The following PLS1 variants were observed in gnomAD, a reference collection of about 807,000 sequenced individuals.
PLS1 encodes the protein plastin 1.
Under a neutral mutation model 73.7 loss-of-function variants are expected in PLS1, and 32 were observed. That is an observed-to-expected ratio of 0.43 (90% CI 0.33 to 0.58). PLS1 has a LOEUF of 0.58. PLS1 is among the 20% of genes least tolerant of loss of function. The pLI, the probability that PLS1 is intolerant of heterozygous loss-of-function variation, is 0.04. For synonymous variants in PLS1, 217 were observed against 261.3 expected, an observed-to-expected ratio of 0.83 and a Z score of 1.63; for missense variants, 633 against 740.5, an observed-to-expected ratio of 0.85 and a Z score of 1.68.
At chr3:142,666,429 A>G (rs1169893104) in intron 2 of PLS1, among the ~76,000 whole-genome samples, 3 of 152,234 alleles carry the variant, frequency 2.0e-5, no homozygotes, top group African/African-American at 7.2e-5. Flanking sequence ...TTCACTTAGC[A>G]CAATGTCCTC....
intron 12 of PLS1, among the ~76,000 whole-genome samples, chr3:142,699,962 T>C (rs2038292705): frequency 6.6e-6 from 1 of 152,200 alleles, no homozygotes; most frequent in African/African-American, 2.4e-5. Flanking sequence ...GAAAATTTAT[T>C]GACTAATTTC....
intron 14 of PLS1, among the ~76,000 whole-genome samples, chr3:142,708,959 G>A (rs1450420017): frequency 1.3e-5 from 2 of 152,056 alleles, no homozygotes; most frequent in African/African-American, 4.8e-5. Context: ...AAATGGGTGG[G>A]AAAAATACTT....
intron 1 of PLS1, among the ~76,000 whole-genome samples, chr3:142,657,635 G>A (rs1386626703): frequency 2.6e-5 from 4 of 152,082 alleles, no homozygotes; most frequent in Non-Finnish European, 4.4e-5. Flanking sequence ...GACTATAGGC[G>A]TGTGCCACCA....
At chr3:142,614,361 A>C (rs552788118) in intron 1 of PLS1, among the ~76,000 whole-genome samples, 1 of 152,224 alleles carries the variant, frequency 6.6e-6, no homozygotes, top group South Asian at 2.1e-4. Flanking sequence ...TCATTCAGGT[A>C]TGCTCTGTGG....
rs768836781 is a variant in PLS1, at chr3:142,664,254, CT to C, written c.18del (p.Thr7ProfsTer17). On this transcript the variant is annotated frameshift_variant, in exon 2 of 16. Transcript: ENST00000457734. LOFTEE classifies it high-confidence loss of function. Reference protein sequence around the residue: MENSTTTISREELEEL... With the variant: MENSTXTISREELEEL... ...TGTCCAAAGATGGAAAACAGTACTA[CT>C]ACCATTTCTCGGGAGGAGCTTGAAG... The C allele has an allele frequency of 1.9e-6, 3 of 1,588,062 alleles. No homozygotes were observed. The highest frequency in any genetic ancestry group is 2.6e-6 in the Non-Finnish European group (3 of 1,159,586).
chr3:142,675,714 G>A (rs1393544628), intron 4 of PLS1, among the ~76,000 whole-genome samples: 1 of 150,798 alleles, frequency 6.6e-6, no homozygotes, highest in Non-Finnish European at 1.5e-5. Flanking sequence ...CTCTCTTTGT[G>A]GCTTAGGCTA....
intron 9 of PLS1, among the ~76,000 whole-genome samples, chr3:142,686,814 G>A (rs928311006): frequency 1.3e-5 from 2 of 152,186 alleles, no homozygotes; most frequent in African/African-American, 2.4e-5. Flanking sequence ...AGGGAACTGC[G>A]TAATTGTGAC....
At position 142,676,214 on chromosome 3, in the gene PLS1, A is replaced by C. The variant is rs375971918; in HGVS notation, c.422A>C (p.Asp141Ala). 1 of 1,613,148 alleles carries C rather than the reference A, an allele frequency of 6.2e-7. No individual in the cohort carries two copies. Among genetic ancestry groups the C allele is most frequent in the Non-Finnish European group, 8.5e-7 (1 of 1,179,118 alleles). Residue 141 changes from aspartate to alanine, a missense_variant, in exon 5 of 16, where the codon GAC (aspartate) becomes GCC (alanine). Coordinates refer to ENST00000457734, the MANE Select transcript of PLS1 (RefSeq NM_001145319.2). Reference sequence around the variant, plus strand: ...AACAAAGCCCTGGAGAATGACCCTGACTGTAAGCATCTTATACCCATGAAT... The same window carrying C: ...AACAAAGCCCTGGAGAATGACCCTGCCTGTAAGCATCTTATACCCATGAAT... ...WINKALENDPDCKHLIPMNPN... is the reference protein window; with the variant it reads ...WINKALENDPACKHLIPMNPN...
chr3:142,693,396 G>A (rs572723246), intron 10 of PLS1, among the ~76,000 whole-genome samples: 5 of 152,272 alleles, frequency 3.3e-5, no homozygotes, highest in Admixed American at 1.3e-4. Flanking sequence ...CCCCTGGAAC[G>A]CAGATGATTA....
At chr3:142,694,625 G>A in intron 11 of PLS1, 78 bp downstream of exon 11, 1 of 771,884 alleles carries the variant, frequency 1.3e-6, no homozygotes, top group Admixed American at 2.4e-5. Context: ...TGTTTAAATG[G>A]AACATTTTCT....
chr3:142,707,094 G>T (rs1248698686), intron 14 of PLS1, among the ~76,000 whole-genome samples: 2 of 152,176 alleles, frequency 1.3e-5, no homozygotes, highest in African/African-American at 4.8e-5. Flanking sequence ...GCTCTACTTA[G>T]AACTGAGGTG....
chr3:142,671,770 G>C (rs1481376512), intron 4 of PLS1, among the ~76,000 whole-genome samples: 1 of 152,124 alleles, frequency 6.6e-6, no homozygotes, highest in Non-Finnish European at 1.5e-5. Flanking sequence ...AACATAACTA[G>C]AACTATGCTT....
chr3:142,693,644 G>T (rs1296091663), intron 10 of PLS1, among the ~76,000 whole-genome samples: 1 of 152,298 alleles, frequency 6.6e-6, no homozygotes, highest in East Asian at 1.9e-4. Context: ...GGCAGACAGT[G>T]GCAGAGCCAG....
intron 1 of PLS1, among the ~76,000 whole-genome samples, chr3:142,660,617 A>G (rs1480441845): frequency 6.6e-6 from 1 of 152,212 alleles, no homozygotes; most frequent in Non-Finnish European, 1.5e-5. Flanking sequence ...TAACTTCCAC[A>G]CCATTGTGAA....
At chr3:142,604,935 CA>C (rs35003218) in intron 1 of PLS1, among the ~76,000 whole-genome samples, 3,880 of 124,362 alleles carry the variant, frequency 0.031, 145 homozygotes, top group African/African-American at 0.1. Context: ...GACTCCGTCT[CA>C]AAAAAAAAAA....
intron 2 of PLS1, among the ~76,000 whole-genome samples, chr3:142,665,897 A>C (rs1291387787): frequency 6.6e-6 from 1 of 152,124 alleles, no homozygotes; most frequent in African/African-American, 2.4e-5. Context: ...CCCAACCCAG[A>C]AGCAGGTCCT....
chr3:142,642,618 ATAT>A (rs777575008), intron 1 of PLS1, among the ~76,000 whole-genome samples: 9 of 152,248 alleles, frequency 5.9e-5, no homozygotes, highest in Non-Finnish European at 1.2e-4. Flanking sequence ...TTCCCAGAAC[ATAT>A]TATCCGATTA....
At chr3:142,694,608 G>C (rs1483049195) in intron 11 of PLS1, 61 bp downstream of exon 11, 4 of 944,346 alleles carry the variant, frequency 4.2e-6, no homozygotes, top group Non-Finnish European at 6.6e-6. Context: ...GTTTCAAACT[G>C]TAGGCATGTT....
Position 142,703,907 on chromosome 3 carries a change from A to G in PLS1, c.1411A>G (p.Lys471Glu), listed in dbSNP as rs1288209514. 10 of 1,612,236 alleles carry G rather than the reference A, an allele frequency of 6.2e-6. No homozygotes were observed. The East Asian group carries it at 2.2e-4, about 36-fold the overall frequency. The change falls in exon 13 of 16, where the codon AAG (lysine) becomes GAG (glutamate). Residue 471 changes from lysine to glutamate, a missense_variant. Coordinates refer to ENST00000457734, the MANE Select transcript of PLS1 (RefSeq NM_001145319.2). ...CNYAVELGKN[K>E]AKFSLVGIAG... is the part of the protein sequence containing the mutation. Reference sequence around the variant, plus strand: ...CTATGCAGTGGAACTTGGGAAGAACAAGGCCAAATTCTCCTTGGTTGGCAT... The same window carrying G: ...CTATGCAGTGGAACTTGGGAAGAACGAGGCCAAATTCTCCTTGGTTGGCAT...
Sources: gnomAD v4.1 joint callset for allele counts (sites outside exome capture counted in the v4.1 genomes callset) on GRCh38, gnomAD v4.1.1 for gene constraint, MANE v1.5 for transcripts, NCBI Gene and HGNC (gene_info 2026-07-23, HGNC 2026-07-21) for gene names.